The following BMPR2 variants were observed in gnomAD, a reference collection of about 807,000 sequenced individuals.
BMPR2 encodes bone morphogenetic protein receptor type-2.
BMPR2 carries 29 observed loss-of-function variants against 100.8 expected under a neutral mutation model. The ratio of observed to expected loss-of-function variants is 0.29; its 90% CI spans 0.21 to 0.39. BMPR2 has a LOEUF of 0.39. BMPR2 is among the 10% of genes least tolerant of loss of function. The pLI is 1.00. For missense variants in BMPR2, 1,011 were observed against 1,274.5 expected, an observed-to-expected ratio of 0.79 and a Z score of 3.15; for synonymous variants, 382 against 442.3, an observed-to-expected ratio of 0.86 and a Z score of 1.71.
intron 5 of BMPR2, 88 bp from the exon 6 acceptor site, chr2:202,518,734 A>G (rs1687764147): frequency 2.0e-6 from 2 of 1,023,996 alleles, no homozygotes; most frequent in Admixed American, 3.9e-5. Context: ...GAGCTGTAGC[A>G]TTCTGTTTAA....
intron 1 of BMPR2, among the ~76,000 whole-genome samples, chr2:202,459,498 A>G (rs1469970632): frequency 6.6e-6 from 1 of 151,402 alleles, no homozygotes; most frequent in African/African-American, 2.4e-5. Context: ...CCCACCCTCC[A>G]CCCTTTGCTG....
In BMPR2 at chr2:202,504,675, A is replaced by ATTCTTTT. The variant is rs1687483762; in HGVS notation, c.419-9041_419-9035dup. Reference sequence around the variant, plus strand: ...TAACAGGAGTTTTCCATCATAGTAGATTCTTTTTTTTTTTTTTTTTTTTTG... The same window carrying ATTCTTTT: ...TAACAGGAGTTTTCCATCATAGTAGATTCTTTTTTCTTTTTTTTTTTTTTTTTTTTTG... On this transcript the variant is annotated intron_variant, in intron 3 of 12. Transcript: ENST00000374580. Among the ~76,000 whole-genome samples the ATTCTTTT allele has an allele frequency of 2.9e-5, 4 of 137,728 alleles. No homozygotes were observed. In the South Asian group the frequency reaches 9.2e-4, roughly 32 times the overall value. 90.4% of individuals were successfully genotyped at this position (137,728 alleles called of 152,430 possible).
intron 5 of BMPR2, among the ~76,000 whole-genome samples, chr2:202,516,564 G>T (rs1262283905): frequency 6.6e-6 from 1 of 152,100 alleles, no homozygotes; most frequent in Non-Finnish European, 1.5e-5. Flanking sequence ...TGTAGTCCCA[G>T]CTACTCGGGA....
chr2:202,414,000 A>G (rs559225091), intron 1 of BMPR2, among the ~76,000 whole-genome samples: 2 of 152,294 alleles, frequency 1.3e-5, no homozygotes, highest in Non-Finnish European at 2.9e-5. Flanking sequence ...ATACATATAC[A>G]TACACAGGCA....
intron 11 of BMPR2, among the ~76,000 whole-genome samples, chr2:202,553,987 G>A (rs1349623365): frequency 6.6e-6 from 1 of 152,192 alleles, no homozygotes; most frequent in Non-Finnish European, 1.5e-5. Flanking sequence ...GAGCCACCGT[G>A]CCCGGCCTAT....
chr2:202,411,351 C>A (rs1032505886), intron 1 of BMPR2, among the ~76,000 whole-genome samples: 1 of 152,154 alleles, frequency 6.6e-6, no homozygotes, highest in African/African-American at 2.4e-5. Flanking sequence ...AAAGGCACTC[C>A]AATGAGCTGA....
At chr2:202,499,890 A>G (rs2105989965) in intron 3 of BMPR2, among the ~76,000 whole-genome samples, 1 of 152,326 alleles carries the variant, frequency 6.6e-6, no homozygotes, top group East Asian at 1.9e-4. Context: ...GAGGACAGAA[A>G]ATGGAGTAGG....
intron 1 of BMPR2, among the ~76,000 whole-genome samples, chr2:202,393,874 T>TGAGAGAGAGAGAGA (rs1452564596): frequency 1.3e-5 from 1 of 76,650 alleles, no homozygotes; most frequent in Admixed American, 1.7e-4. Flanking sequence ...ATTAAGGTAA[T>TGAGAGAGAGAGAGA]GAGAGAGCGA....
At chr2:202,407,267 C>G (rs1220548008) in intron 1 of BMPR2, among the ~76,000 whole-genome samples, 3 of 151,444 alleles carry the variant, frequency 2.0e-5, no homozygotes, top group Admixed American at 6.6e-5. Context: ...TTATTAGAGA[C>G]GGGACTTTGC....
intron 10 of BMPR2, among the ~76,000 whole-genome samples, chr2:202,545,807 A>G (rs1688365447): frequency 6.6e-6 from 1 of 152,198 alleles, no homozygotes; most frequent in African/African-American, 2.4e-5. Flanking sequence ...TTCCAAAACT[A>G]CAGTCCCTGC....
Position 202,509,457 on chromosome 2 carries a change from C to A in BMPR2, c.419-4262C>A, listed in dbSNP as rs150469695. ...CAACAACTAAGACTAGGAAAATTGT[C>A]ATTTCTATTTTGTAATAAAAGCTTG... On this transcript the variant is annotated intron_variant, in intron 3 of 12. Transcript: ENST00000374580. Among the ~76,000 whole-genome samples, 55 of 151,700 alleles carry A rather than the reference C, an allele frequency of 3.6e-4. 1 individual carries two copies. The highest frequency in any genetic ancestry group is 8.5e-4 in the Admixed American group (13 of 15,236).
Position 202,555,643 on chromosome 2 carries a change from G to A in BMPR2, c.1978G>A (p.Glu660Lys), listed in dbSNP as rs1085307372. The change falls in exon 12 of 13, where the codon GAA becomes AAA. Residue 660 changes from glutamate to lysine, a missense_variant. Glu to Lys is a moderately conservative substitution (Grantham distance 56, BLOSUM62 1). Around this residue, in one of 6 missense-constraint regions of BMPR2, gnomAD observed 508 missense variants for 552.0 expected, o/e 0.92. Coordinates refer to ENST00000374580, the MANE Select transcript of BMPR2 (RefSeq NM_001204.7). ...AACCCCTGTCTGCTTACAGCTGACA[G>A]AAGAAGACTTGGAAACCAACAAGCT... is the stretch of plus-strand genomic sequence containing the variant. Reference protein sequence around the residue: ...GPTPVCLQLTEEDLETNKLDP... With the variant: ...GPTPVCLQLTKEDLETNKLDP... The A allele has an allele frequency of 5.6e-6, 9 of 1,614,036 alleles. No individual in the cohort carries two copies. In the Admixed American group the frequency reaches 1.3e-4, roughly 24 times the overall value.
At chr2:202,391,801 C>T (rs1337306350) in intron 1 of BMPR2, among the ~76,000 whole-genome samples, 1 of 150,548 alleles carries the variant, frequency 6.6e-6, no homozygotes, top group Admixed American at 6.6e-5. Flanking sequence ...CGCACTCTGT[C>T]GCCAGGCTGG....
At chr2:202,406,258 C>T (rs1024175120) in intron 1 of BMPR2, among the ~76,000 whole-genome samples, 1 of 152,188 alleles carries the variant, frequency 6.6e-6, no homozygotes, top group African/African-American at 2.4e-5. Flanking sequence ...AACACCATTG[C>T]CTTCTTTCTG....
At position 202,556,654 on chromosome 2, in the gene BMPR2, G is replaced by A. The variant is rs1688578257; in HGVS notation, c.2866+123G>A. The A allele has an allele frequency of 3.1e-6, 4 of 1,273,688 alleles. No homozygotes were observed. The African/African-American group carries it at 5.9e-5, about 19-fold the overall frequency. The allele number at this position is 1,273,688 out of a possible 1,614,324, so 78.9% of individuals were successfully genotyped here. A position where few individuals can be genotyped will look rare whatever the true frequency, so the allele number is the denominator to read the frequency against. ...ATTTACCTTTACCACTTTTGTAAAT[G>A]ATCCATTTGAGGCGGGGCACAGTGG... On this transcript the variant is annotated intron_variant, in intron 12 of 12. Transcript: ENST00000374580.
At chr2:202,409,556 A>G (rs1186978952) in intron 1 of BMPR2, among the ~76,000 whole-genome samples, 1 of 152,174 alleles carries the variant, frequency 6.6e-6, no homozygotes, top group African/African-American at 2.4e-5. Context: ...GTCTCTATTA[A>G]TTAAAACAAA....
intron 1 of BMPR2, among the ~76,000 whole-genome samples, chr2:202,406,107 G>GA (rs1439366114): frequency 1.3e-5 from 2 of 152,194 alleles, no homozygotes; most frequent in Non-Finnish European, 2.9e-5. Flanking sequence ...GGGAAGGACT[G>GA]AGAAGAAAAG....
intron 1 of BMPR2, among the ~76,000 whole-genome samples, chr2:202,393,890 A>AGC (rs1282731769): frequency 1.4e-5 from 1 of 69,316 alleles, no homozygotes; most frequent in African/African-American, 8.5e-5. Flanking sequence ...AGCGAGAGAG[A>AGC]GAGAGAGAGA....
rs548943890 is a variant in BMPR2 at position 202,434,665 on chromosome 2, G to C, written c.77-30144G>C. On this transcript the variant is annotated intron_variant, in intron 1 of 12. Coordinates refer to ENST00000374580, the MANE Select transcript of BMPR2 (RefSeq NM_001204.7). ...GATAGTGTCTTGCTCTGTCACACAG[G>C]CTGGAGTGCAGTGGCTGGCACAATC... Among the ~76,000 whole-genome samples the C allele has an allele frequency of 7.4e-5, 11 of 148,526 alleles. 2 individuals carry two copies. The highest frequency in any genetic ancestry group is 2.8e-4 in the African/African-American group (11 of 38,598).
Sources: gnomAD v4.1 joint callset for allele counts (sites outside exome capture counted in the v4.1 genomes callset) on GRCh38, gnomAD v4.1.1 for gene constraint, gnomAD v4.1.1 regional missense constraint, MANE v1.5 for transcripts, NCBI Gene and HGNC (gene_info 2026-07-23, HGNC 2026-07-21) for gene names.